Variants in LSAMP observed in about 807,000 individuals in gnomAD.
The protein encoded by LSAMP is limbic system-associated membrane protein.
Under a neutral mutation model 38.6 loss-of-function variants are expected in LSAMP, and 7 were observed. The observed-to-expected ratio is 0.18, with a 90% CI of 0.10 to 0.34. The LOEUF is 0.34. Among genes scored for constraint, LSAMP ranks in the 10% least tolerant of loss-of-function variants. The pLI, the probability that LSAMP is intolerant of heterozygous loss-of-function variation, is 1.00. For synonymous variants in LSAMP, 154 were observed against 166.8 expected (o/e 0.92, Z 0.59); for missense variants, 313 against 420.0 (o/e 0.75, Z 2.23).
chr3:116,246,072 GA>G (rs1297838966), intron 1 of LSAMP, among the ~76,000 whole-genome samples: 7 of 152,124 alleles, frequency 4.6e-5, no homozygotes, highest in Admixed American at 3.9e-4. Context: ...AGAAAAAAAT[GA>G]AAAGTCAAAT....
At position 115,907,585 on chromosome 3, in the gene LSAMP, T is replaced by A. The variant is rs201156095; in HGVS notation, c.515-54968A>T. Among the ~76,000 whole-genome samples, 19 of 152,226 alleles carry A rather than the reference T, an allele frequency of 1.2e-4. No individual in the cohort carries two copies. In the East Asian group the frequency reaches 3.7e-3, roughly 29 times the overall value. ...TACCCTACACAGACTAAGATATTCATCTCCTGACTTTGATCTCTTCGGGCT... is the reference window on the plus strand; with the variant it reads ...TACCCTACACAGACTAAGATATTCAACTCCTGACTTTGATCTCTTCGGGCT... On this transcript the variant is annotated intron_variant, in intron 3 of 6. Transcript: ENST00000490035.
At chr3:116,050,639 T>G (rs954017707) in intron 2 of LSAMP, among the ~76,000 whole-genome samples, 4 of 152,182 alleles carry the variant, frequency 2.6e-5, no homozygotes, top group Admixed American at 6.5e-5. Flanking sequence ...CTGGCCGTTA[T>G]GCTGTGGCTT....
chr3:115,856,389 G>A (rs996579555), intron 3 of LSAMP, among the ~76,000 whole-genome samples: 1 of 152,072 alleles, frequency 6.6e-6, no homozygotes, highest in African/African-American at 2.4e-5. Flanking sequence ...AGGCCGAGGT[G>A]GGCAGATCAC....
At chr3:116,413,951 T>G (rs1370389064) in intron 1 of LSAMP, among the ~76,000 whole-genome samples, 1 of 151,074 alleles carries the variant, frequency 6.6e-6, no homozygotes, top group Non-Finnish European at 1.5e-5. Flanking sequence ...TTGCAATCAG[T>G]CCTTTTTGTC....
At chr3:116,430,742 A>G (rs1057238002) in intron 1 of LSAMP, among the ~76,000 whole-genome samples, 4 of 151,988 alleles carry the variant, frequency 2.6e-5, no homozygotes, top group African/African-American at 9.7e-5. Flanking sequence ...TAATTTATCA[A>G]TGTTTGCAGA....
intron 1 of LSAMP, among the ~76,000 whole-genome samples, chr3:116,311,921 T>C (rs2047562530): frequency 6.6e-6 from 1 of 152,152 alleles, no homozygotes; most frequent in Admixed American, 6.5e-5. Flanking sequence ...TTGGAATAAT[T>C]TGAAGAAATA....
intron 1 of LSAMP, among the ~76,000 whole-genome samples, chr3:116,261,903 T>C (rs2046831717): frequency 6.7e-6 from 1 of 149,106 alleles, no homozygotes. Context: ...TAAATTCTGA[T>C]ATATATAATT....
intron 1 of LSAMP, among the ~76,000 whole-genome samples, chr3:116,346,576 G>T (rs571434092): frequency 1.3e-5 from 2 of 152,056 alleles, no homozygotes; most frequent in African/African-American, 4.8e-5. Context: ...CAATCTGCCC[G>T]TCTTGGCCTC....
At position 115,810,191 on chromosome 3, in the gene LSAMP, C is replaced by T; in HGVS notation, c.*126G>A. ...TTATTTCCCCCTTCATGTATAAACA[C>T]ACAAAGTTGTGAAATAAACGGTCTC... On this transcript the variant is annotated 3_prime_UTR_variant, in exon 7 of 7. Coordinates refer to ENST00000490035, the MANE Select transcript of LSAMP (RefSeq NM_002338.5). 1 of 639,462 alleles carries T rather than the reference C, an allele frequency of 1.6e-6. No individual in the cohort carries two copies. Among genetic ancestry groups the T allele is most frequent in the Non-Finnish European group, 2.7e-6 (1 of 370,762 alleles). The allele number at this position is 639,462 out of a possible 1,614,324, so 39.6% of individuals were successfully genotyped here.
At chr3:116,008,896 C>G (rs961537970) in intron 3 of LSAMP, among the ~76,000 whole-genome samples, 2 of 152,122 alleles carry the variant, frequency 1.3e-5, no homozygotes, top group Non-Finnish European at 2.9e-5. Flanking sequence ...TGCAGATTTT[C>G]ATCCAGTGGG....
chr3:116,087,511 C>T (rs369841079), intron 1 of LSAMP, among the ~76,000 whole-genome samples: 1 of 152,164 alleles, frequency 6.6e-6, no homozygotes, highest in African/African-American at 2.4e-5. Context: ...GTCTGCATCC[C>T]TGTGGCAAGA....
chr3:116,396,782 C>A (rs35993337), intron 1 of LSAMP, among the ~76,000 whole-genome samples: 4 of 152,176 alleles, frequency 2.6e-5, no homozygotes, highest in Non-Finnish European at 5.9e-5. Flanking sequence ...TAATGCTCAA[C>A]CTTTTCCTCT....
intron 1 of LSAMP, among the ~76,000 whole-genome samples, chr3:116,235,877 A>G (rs116233798): frequency 0.032 from 4,947 of 152,306 alleles, 117 homozygotes; most frequent in Middle Eastern, 0.068. Flanking sequence ...GATGGAATTT[A>G]GACTAAGAAA....
At chr3:116,176,301 C>T (rs1710336366) in intron 1 of LSAMP, among the ~76,000 whole-genome samples, 1 of 151,832 alleles carries the variant, frequency 6.6e-6, no homozygotes, top group African/African-American at 2.4e-5. Context: ...TATTAGCTTG[C>T]AAGAAAAACA....
chr3:116,043,556 G>C (rs892831460), intron 2 of LSAMP, among the ~76,000 whole-genome samples: 11 of 152,254 alleles, frequency 7.2e-5, no homozygotes, highest in African/African-American at 2.6e-4. Flanking sequence ...AAACTTACTA[G>C]GGACACCACT....
intron 1 of LSAMP, among the ~76,000 whole-genome samples, chr3:116,412,115 T>C (rs1467342746): frequency 1.3e-5 from 2 of 152,064 alleles, no homozygotes; most frequent in African/African-American, 4.8e-5. Context: ...ATATTGCTGA[T>C]ACCATTATTA....
Position 116,176,677 on chromosome 3 carries a change from C to G in LSAMP, c.156-90121G>C, listed in dbSNP as rs1457317145. On this transcript the variant is annotated intron_variant, in intron 1 of 6. Coordinates refer to ENST00000490035, the MANE Select transcript of LSAMP (RefSeq NM_002338.5). ...TTAAACTAGTTGTTATAACTGGCAT[C>G]ATATCTAATATCTGGCACATGGAGA... 3.3e-5 allele frequency among the ~76,000 whole-genome samples: 5 copies of G among 152,090 alleles called. No individual in the cohort carries two copies. The South Asian group carries it at 8.3e-4, about 25-fold the overall frequency.
chr3:116,103,080 G>A (rs1053628147), intron 1 of LSAMP, among the ~76,000 whole-genome samples: 33 of 151,972 alleles, frequency 2.2e-4, no homozygotes, highest in Non-Finnish European at 4.3e-4. Context: ...AAAGAATATT[G>A]GTGTGTATAG....
intron 1 of LSAMP, among the ~76,000 whole-genome samples, chr3:116,403,284 T>G (rs1045765456): frequency 6.6e-6 from 1 of 152,200 alleles, no homozygotes; most frequent in Non-Finnish European, 1.5e-5. Flanking sequence ...AGTTTCCTTT[T>G]CTTTATAGTT....
Sources: allele counts gnomAD v4.1 joint callset (sites outside exome capture counted in the v4.1 genomes callset), GRCh38; gene constraint gnomAD v4.1.1; transcripts MANE v1.5; gene names NCBI Gene and HGNC (gene_info 2026-07-23, HGNC 2026-07-21).